Variants in CADPS observed in about 807,000 individuals in gnomAD.
CADPS encodes the protein calcium-dependent secretion activator 1.
In CADPS, 57 loss-of-function variants were observed where a neutral mutation model predicts 167.3. That is an observed-to-expected ratio of 0.34 (90% CI 0.28 to 0.42). The LOEUF (loss-of-function observed/expected upper bound fraction) is 0.42. Among genes scored for constraint, CADPS ranks in the 20% least tolerant of loss-of-function variants. The pLI is 1.00. For missense variants in CADPS, 1,414 were observed against 1,738.1 expected, an observed-to-expected ratio of 0.81 and a Z score of 3.32; for synonymous variants, 676 against 635.3, an observed-to-expected ratio of 1.06 and a Z score of -0.96.
At chr3:62,680,635 C>G (rs1327996029) in intron 3 of CADPS, among the ~76,000 whole-genome samples, 1 of 152,030 alleles carries the variant, frequency 6.6e-6, no homozygotes, top group African/African-American at 2.4e-5. Context: ...CAACTTGTCT[C>G]CCTCCCTCCT....
At chr3:62,591,147 C>T (rs1007208918) in intron 7 of CADPS, among the ~76,000 whole-genome samples, 12 of 152,120 alleles carry the variant, frequency 7.9e-5, no homozygotes, top group African/African-American at 1.7e-4. Flanking sequence ...CGTGAGCCAC[C>T]GCGCCTGGCT....
chr3:62,433,857 T>A lies in CADPS; in HGVS notation c.3777+4247A>T, dbSNP rs2054461697. Among the ~76,000 whole-genome samples, 1 of 152,168 alleles carries A rather than the reference T, an allele frequency of 6.6e-6. No homozygotes were observed. Among genetic ancestry groups the A allele is most frequent in the Non-Finnish European group, 1.5e-5 (1 of 68,030 alleles). Reference sequence around the variant, plus strand: ...GATCTCTAATTTCAAAAAGCATGTTTTTATTTTGGGGAAGATGTTGAATTA... The same window carrying A: ...GATCTCTAATTTCAAAAAGCATGTTATTATTTTGGGGAAGATGTTGAATTA... On this transcript the variant is annotated intron_variant, in intron 28 of 29. Transcript: ENST00000383710. This position sits in a 1 kb window ranked among gnomAD's most constrained non-coding sequence, Gnocchi z 4.7.
rs572500783 is a variant in CADPS, at chr3:62,754,522, G to T, written c.556-749C>A. Among the ~76,000 whole-genome samples the T allele has an allele frequency of 2.0e-5, 3 of 152,172 alleles. No homozygotes were observed. In the East Asian group the frequency reaches 5.8e-4, roughly 29 times the overall value. On this transcript the variant is annotated intron_variant, in intron 2 of 29. Transcript: ENST00000383710. ...TTATTTTAAATAGAGGCAGGACTTT[G>T]CTCTGTTATGTAAGCCAGACTTCAG...
At chr3:62,789,325 C>T (rs2092733913) in intron 1 of CADPS, among the ~76,000 whole-genome samples, 1 of 152,104 alleles carries the variant, frequency 6.6e-6, no homozygotes, top group South Asian at 2.1e-4. Flanking sequence ...AGTCACACAG[C>T]CAGAATGGAG....
chr3:62,815,200 A>G (rs549758116), intron 1 of CADPS, among the ~76,000 whole-genome samples: 7 of 152,250 alleles, frequency 4.6e-5, no homozygotes, highest in South Asian at 2.1e-4. Flanking sequence ...CTGTACTGGA[A>G]ACAACCAAAA....
intron 1 of CADPS, among the ~76,000 whole-genome samples, chr3:62,806,359 G>C (rs1417289907): frequency 2.1e-5 from 1 of 47,232 alleles, no homozygotes; most frequent in African/African-American, 1.1e-4. Flanking sequence ...CTCGTCTTTA[G>C]TTAAAAAAAA....
chr3:62,647,751 T>G (rs1371640233), intron 5 of CADPS, among the ~76,000 whole-genome samples: 2 of 152,194 alleles, frequency 1.3e-5, no homozygotes, highest in African/African-American at 4.8e-5. Flanking sequence ...ATATCTGACT[T>G]CACATCCTGA....
chr3:62,712,273 T>C (rs1298916349), intron 3 of CADPS, among the ~76,000 whole-genome samples: 1 of 152,160 alleles, frequency 6.6e-6, no homozygotes, highest in Non-Finnish European at 1.5e-5. Flanking sequence ...ATAGATCCCA[T>C]CTTATTTGTT....
At chr3:62,489,072 T>C (rs2151021051) in intron 21 of CADPS, among the ~76,000 whole-genome samples, 1 of 152,318 alleles carries the variant, frequency 6.6e-6, no homozygotes, top group South Asian at 2.1e-4. Flanking sequence ...GATTTCCAGG[T>C]ATGAAGATGA....
intron 6 of CADPS, among the ~76,000 whole-genome samples, chr3:62,610,203 TC>T (rs2061313350): frequency 6.6e-6 from 1 of 152,036 alleles, no homozygotes; most frequent in Non-Finnish European, 1.5e-5. Context: ...TCTTTTCCTT[TC>T]CTTTCCCTTC....
At chr3:62,784,463 C>G (rs558594328) in intron 1 of CADPS, among the ~76,000 whole-genome samples, 1 of 152,234 alleles carries the variant, frequency 6.6e-6, no homozygotes, top group Admixed American at 6.5e-5. Context: ...CACCCTGTTG[C>G]AACTCCCAAT....
intron 6 of CADPS, among the ~76,000 whole-genome samples, chr3:62,632,626 T>C (rs927572041): frequency 1.3e-5 from 2 of 152,140 alleles, no homozygotes; most frequent in African/African-American, 4.8e-5. Flanking sequence ...ACTTGCTCAG[T>C]GGGACTGGAC....
chr3:62,451,006 A>G (rs2057964194), intron 26 of CADPS, among the ~76,000 whole-genome samples: 2 of 152,260 alleles, frequency 1.3e-5, no homozygotes, highest in East Asian at 1.9e-4. Context: ...AAACTATGAA[A>G]CCACTTTTAT....
Position 62,476,979 on chromosome 3 carries a change from GA to G in CADPS, c.3329+1281del, listed in dbSNP as rs1183619662. 5.9e-5 allele frequency among the ~76,000 whole-genome samples: 9 copies of G among 152,228 alleles called. No individual in the cohort carries two copies. The East Asian group carries it at 1.5e-3, about 26-fold the overall frequency. ...GAAGTAGGCCTGCCTTCAGTTCTAA[GA>G]GAGAGAATAAAAGAGCAATACTAAA... On this transcript the variant is annotated intron_variant, in intron 23 of 29. Coordinates refer to ENST00000383710, the MANE Select transcript of CADPS (RefSeq NM_003716.4).
At chr3:62,551,271 TC>T (rs904857676) in intron 10 of CADPS, among the ~76,000 whole-genome samples, 1 of 152,176 alleles carries the variant, frequency 6.6e-6, no homozygotes, top group African/African-American at 2.4e-5. Flanking sequence ...GCCACTCAAG[TC>T]CCCAGTCTTG....
intron 1 of CADPS, among the ~76,000 whole-genome samples, chr3:62,805,941 C>T (rs748813032): frequency 2.0e-4 from 31 of 152,146 alleles, no homozygotes; most frequent in Non-Finnish European, 4.0e-4. Flanking sequence ...TCACCAGTAA[C>T]CTCCTCCCCT....
chr3:62,491,224 G>T, intron 21 of CADPS, 115 bp downstream of exon 21: 1 of 1,165,296 alleles, frequency 8.6e-7, no homozygotes, highest in Non-Finnish European at 1.2e-6. Flanking sequence ...AATGTATGGT[G>T]TTTCTCTCTG....
At chr3:62,657,614 A>T (rs1579800480) in intron 4 of CADPS, among the ~76,000 whole-genome samples, 1 of 152,310 alleles carries the variant, frequency 6.6e-6, no homozygotes, top group South Asian at 2.1e-4. Context: ...ACCAGATTTT[A>T]AAAAATGCAT....
Position 62,524,258 on chromosome 3 carries a change from G to A in CADPS, c.2292-6008C>T, listed in dbSNP as rs115492581. On this transcript the variant is annotated intron_variant, in intron 13 of 29. Coordinates refer to ENST00000383710, the MANE Select transcript of CADPS (RefSeq NM_003716.4). Reference sequence around the variant, plus strand: ...TTCTCAAAAGGAGATATCCCTGCTTGCTCATCTATATGGTTTGTACAATCC... The same window carrying A: ...TTCTCAAAAGGAGATATCCCTGCTTACTCATCTATATGGTTTGTACAATCC... Among the ~76,000 whole-genome samples, 722 of 152,214 alleles carry A rather than the reference G, an allele frequency of 4.7e-3. 5 individuals carry two copies. Among genetic ancestry groups the A allele is most frequent in the African/African-American group, 0.016 (679 of 41,534 alleles).
Sources: allele counts gnomAD v4.1 joint callset (sites outside exome capture counted in the v4.1 genomes callset), GRCh38; gene constraint gnomAD v4.1.1; non-coding constraint Gnocchi (gnomAD v3.1); transcripts MANE v1.5; gene names NCBI Gene and HGNC (gene_info 2026-07-23, HGNC 2026-07-21).